The following NAALADL2 variants were observed in gnomAD, a reference collection of about 807,000 sequenced individuals.
The protein encoded by NAALADL2 is N-acetylated alpha-linked acidic dipeptidase like 2.
In NAALADL2, 76 loss-of-function variants were observed where a neutral mutation model predicts 87.2. That is an observed-to-expected ratio of 0.87 (90% CI 0.72 to 1.05). NAALADL2 has a LOEUF of 1.05. NAALADL2 is among the 50% of genes least tolerant of loss of function. The pLI is 0.00. For synonymous variants in NAALADL2, 354 were observed against 331.0 expected, an observed-to-expected ratio of 1.07 and a Z score of -0.75; for missense variants, 1,089 against 945.8, an observed-to-expected ratio of 1.15 and a Z score of -1.99.
chr3:174,556,231 A>G (rs1712800605), intron 2 of NAALADL2, among the ~76,000 whole-genome samples: 1 of 152,082 alleles, frequency 6.6e-6, no homozygotes, highest in African/African-American at 2.4e-5. Flanking sequence ...GTGGGCCATG[A>G]TGGGAAGTGG....
At chr3:174,912,032 C>T (rs1262920586) in intron 1 of NAALADL2, among the ~76,000 whole-genome samples, 1 of 152,068 alleles carries the variant, frequency 6.6e-6, no homozygotes, top group Non-Finnish European at 1.5e-5. Context: ...TGCCAATTGT[C>T]CACCAATTTC....
Position 175,627,949 on chromosome 3 carries a change from T to C in NAALADL2, c.1896+563T>C, listed in dbSNP as rs189059834. 4.5e-3 allele frequency among the ~76,000 whole-genome samples: 537 copies of C among 118,058 alleles called. 22 individuals are homozygous for C. In the Admixed American group the frequency reaches 0.048, roughly 11 times the overall value. 77.5% of individuals were successfully genotyped at this position (118,058 alleles called of 152,430 possible). A position where few individuals can be genotyped will look rare whatever the true frequency, so the allele number is the denominator to read the frequency against. On this transcript the variant is annotated intron_variant, in intron 11 of 13. Transcript: ENST00000454872. ...AAATAGGTAAGGTACTTGTTTATGA[T>C]AATTTTTAGTTGCAGAAAAAAAAGG... is the stretch of plus-strand genomic sequence containing the variant.
intron 2 of NAALADL2, among the ~76,000 whole-genome samples, chr3:174,638,581 G>A (rs1722876696): frequency 6.6e-6 from 1 of 151,672 alleles, no homozygotes; most frequent in Admixed American, 6.6e-5. Context: ...AAGAAGGAGG[G>A]TCAGGTTTTT....
chr3:175,696,819 A>G (rs1582922452), intron 11 of NAALADL2, among the ~76,000 whole-genome samples: 1 of 152,138 alleles, frequency 6.6e-6, no homozygotes, highest in East Asian at 1.9e-4. Flanking sequence ...CAATGTCTGG[A>G]AAGGCTCATC....
At chr3:175,423,792 T>G (rs956435694) in intron 5 of NAALADL2, among the ~76,000 whole-genome samples, 4 of 152,156 alleles carry the variant, frequency 2.6e-5, no homozygotes, top group Non-Finnish European at 4.4e-5. Context: ...GTAATGGGAT[T>G]GGTGGGTCAA....
intron 1 of NAALADL2, among the ~76,000 whole-genome samples, chr3:175,056,230 C>A (rs115840457): frequency 0.2 from 30,442 of 151,952 alleles, 3,725 homozygotes; most frequent in African/African-American, 0.34. Context: ...GCCACTTTAG[C>A]ATTAGCTGGC....
chr3:174,975,530 A>G (rs531728120), intron 1 of NAALADL2, among the ~76,000 whole-genome samples: 1 of 152,276 alleles, frequency 6.6e-6, no homozygotes, highest in Admixed American at 6.5e-5. Flanking sequence ...CTTTTGCACC[A>G]ACCTAAAATA....
chr3:174,588,071 T>C (rs966817356), intron 2 of NAALADL2, among the ~76,000 whole-genome samples: 1 of 152,038 alleles, frequency 6.6e-6, no homozygotes, highest in Non-Finnish European at 1.5e-5. Context: ...TGTTTGTTTC[T>C]TTTTACTCTT....
chr3:175,715,353 A>G (rs1741091201), intron 11 of NAALADL2, among the ~76,000 whole-genome samples: 2 of 152,194 alleles, frequency 1.3e-5, no homozygotes, highest in Non-Finnish European at 2.9e-5. Flanking sequence ...TGCTTAAAAC[A>G]ATAGCAGTGT....
chr3:175,197,761 G>T (rs1162947963), intron 2 of NAALADL2, among the ~76,000 whole-genome samples: 1 of 151,956 alleles, frequency 6.6e-6, no homozygotes, highest in African/African-American at 2.4e-5. Flanking sequence ...TATGAATTCA[G>T]GGAGTTTACA....
chr3:174,834,984 T>A (rs763357012), intron 3 of NAALADL2, among the ~76,000 whole-genome samples: 1 of 151,872 alleles, frequency 6.6e-6, no homozygotes, highest in African/African-American at 2.4e-5. Context: ...GTCCAAAATA[T>A]GAAATTTTTA....
At chr3:174,541,006 T>C (rs994345953) in intron 1 of NAALADL2, among the ~76,000 whole-genome samples, 2 of 152,214 alleles carry the variant, frequency 1.3e-5, no homozygotes, top group Non-Finnish European at 2.9e-5. Context: ...GCACAGTTCC[T>C]GTTTGGAACA....
At chr3:175,151,571 C>T (rs893105783) in intron 2 of NAALADL2, among the ~76,000 whole-genome samples, 2 of 152,108 alleles carry the variant, frequency 1.3e-5, no homozygotes, top group African/African-American at 2.4e-5. Context: ...AGGTCAGACT[C>T]TCTGTGGGCC....
Position 175,806,118 on chromosome 3 carries a change from C to G in NAALADL2, c.*2915C>G, listed in dbSNP as rs899871404. On this transcript the variant is annotated 3_prime_UTR_variant, in exon 14 of 14. Transcript: ENST00000454872. ...ATCTTTTCCAGTGCATTCGATGTAA[C>G]CAGCCATTCTGTCAGATGTTGCATG... 1 of 151,888 alleles carries G rather than the reference C, an allele frequency of 6.6e-6. No individual in the cohort carries two copies. Among genetic ancestry groups the G allele is most frequent in the Non-Finnish European group, 1.5e-5 (1 of 67,900 alleles). The allele number at this position is 151,888 out of a possible 1,614,324, so 9.4% of individuals were successfully genotyped here.
chr3:175,503,344 G>A (rs1408846506), intron 9 of NAALADL2, among the ~76,000 whole-genome samples: 1 of 152,086 alleles, frequency 6.6e-6, no homozygotes, highest in Non-Finnish European at 1.5e-5. Flanking sequence ...GGGTATTTAG[G>A]TTGATTCCAT....
intron 9 of NAALADL2, among the ~76,000 whole-genome samples, chr3:175,485,874 G>C (rs1560631868): frequency 6.6e-6 from 1 of 152,176 alleles, no homozygotes; most frequent in Non-Finnish European, 1.5e-5. Context: ...AGAGCTCTTA[G>C]AAGAAGAGAC....
At chr3:175,785,454 T>C (rs1227353706) in intron 13 of NAALADL2, among the ~76,000 whole-genome samples, 1 of 124,718 alleles carries the variant, frequency 8.0e-6, no homozygotes, top group Admixed American at 8.0e-5. Flanking sequence ...TTTACCATTA[T>C]GTAATGGCCT....
chr3:175,015,726 G>A (rs187397123), intron 1 of NAALADL2, among the ~76,000 whole-genome samples: 10 of 152,072 alleles, frequency 6.6e-5, no homozygotes, highest in African/African-American at 2.2e-4. Flanking sequence ...TACTAAAATA[G>A]TTTTACTAAT....
intron 11 of NAALADL2, among the ~76,000 whole-genome samples, chr3:175,645,154 A>C (rs1729825738): frequency 6.6e-6 from 1 of 151,972 alleles, no homozygotes. Flanking sequence ...GCACAACAAA[A>C]TTTTTACTCA....
Sources: gnomAD v4.1 joint callset for allele counts (sites outside exome capture counted in the v4.1 genomes callset) on GRCh38, gnomAD v4.1.1 for gene constraint, MANE v1.5 for transcripts, NCBI Gene and HGNC (gene_info 2026-07-23, HGNC 2026-07-21) for gene names.